The following NAV2 variants were observed in gnomAD, a reference collection of about 807,000 sequenced individuals.
The protein encoded by NAV2 is helicase, APC down-regulated 1.
A neutral mutation model predicts 223.2 loss-of-function variants in NAV2; 54 were observed. That is an observed-to-expected ratio of 0.24 (90% CI 0.19 to 0.30). The LOEUF is 0.30. NAV2 is among the 10% of genes least tolerant of loss of function. The probability of loss-of-function intolerance (pLI) is 1.00; values close to 1 mark genes in which losing one functional copy is unlikely to be tolerated. For missense variants in NAV2, 2,806 were observed against 3,147.5 expected, an observed-to-expected ratio of 0.89 and a Z score of 2.60; for synonymous variants, 1,279 against 1,239.3, an observed-to-expected ratio of 1.03 and a Z score of -0.67.
At position 20,100,918 on chromosome 11, in the gene NAV2, C is replaced by T; in HGVS notation, c.6182-19C>T. 6.2e-7 allele frequency: 1 copy of T among 1,607,550 alleles called. No individual in the cohort carries two copies. Among genetic ancestry groups the T allele is most frequent in the East Asian group, 2.2e-5 (1 of 44,828 alleles). On this transcript the variant is annotated intron_variant, in intron 31 of 37. Coordinates refer to ENST00000349880, the MANE Select transcript of NAV2 (RefSeq NM_145117.5). ...TTTTCTACAGGGCTTCAGATGATTC[C>T]TGTCTCTCTCAAATGCAGGGCTCGC...
intron 1 of NAV2, among the ~76,000 whole-genome samples, chr11:19,477,880 G>A (rs1211080590): frequency 1.3e-5 from 2 of 152,118 alleles, no homozygotes; most frequent in African/African-American, 4.8e-5. Context: ...GTTTGAGCAG[G>A]AATTAAATTC....
Position 20,083,192 on chromosome 11 carries a change from G to C in NAV2, c.5498+13G>C. 6.2e-7 allele frequency: 1 copy of C among 1,605,726 alleles called. No individual in the cohort carries two copies. Among genetic ancestry groups the C allele is most frequent in the South Asian group, 1.1e-5 (1 of 89,488 alleles). On this transcript the variant is annotated intron_variant, in intron 26 of 37. Coordinates refer to ENST00000349880, the MANE Select transcript of NAV2 (RefSeq NM_145117.5). ...ACTCCAACTCTCTGTAAGTCTGTCT[G>C]TCTAGTCAGATAACATCTTTGGCCC...
chr11:19,774,438 AAGTGCTAGGATTACAG>A (rs1399518672), intron 1 of NAV2, among the ~76,000 whole-genome samples: 1 of 152,202 alleles, frequency 6.6e-6, no homozygotes, highest in Non-Finnish European at 1.5e-5. Flanking sequence ...TGGCCTCCCA[AAGTGCTAGGATTACAG>A]GTGTGAGCTA....
intron 1 of NAV2, among the ~76,000 whole-genome samples, chr11:19,822,459 A>G (rs1485932422): frequency 1.3e-5 from 2 of 152,178 alleles, no homozygotes; most frequent in African/African-American, 4.8e-5. Context: ...ATGCAGCTCT[A>G]AGCTACTTAA....
intron 1 of NAV2, among the ~76,000 whole-genome samples, chr11:19,653,542 T>G (rs1476493950): frequency 1.3e-5 from 2 of 152,172 alleles, no homozygotes; most frequent in Non-Finnish European, 2.9e-5. Context: ...CAAAGACGTG[T>G]AGACAGGCAG....
At chr11:19,431,093 G>C (rs1251142362) in intron 1 of NAV2, among the ~76,000 whole-genome samples, 4 of 152,150 alleles carry the variant, frequency 2.6e-5, no homozygotes, top group African/African-American at 9.7e-5. Flanking sequence ...CAGGTGGAGG[G>C]GCATCTCATC....
intron 22 of NAV2, among the ~76,000 whole-genome samples, chr11:20,076,496 T>C (rs141361428): frequency 7.0e-4 from 106 of 152,334 alleles, no homozygotes; most frequent in African/African-American, 2.4e-3. Context: ...GATTGGAGAT[T>C]AGAAGATCCT....
At chr11:19,751,139 C>T (rs1369215130) in intron 1 of NAV2, among the ~76,000 whole-genome samples, 2 of 152,218 alleles carry the variant, frequency 1.3e-5, no homozygotes, top group Admixed American at 6.5e-5. Flanking sequence ...TTCTTTATCC[C>T]CTTTCCTCCC....
At chr11:19,939,387 C>T (rs117270874) in intron 7 of NAV2, among the ~76,000 whole-genome samples, 121 of 152,294 alleles carry the variant, frequency 7.9e-4, no homozygotes, top group Non-Finnish European at 1.2e-3. Flanking sequence ...AGCATCCTGA[C>T]GGAGGTTCAG....
Position 19,933,181 on chromosome 11 carries a change from T to C in NAV2, c.937T>C (p.Leu313=). ...PPPSSHEKEP[L]ASSASSHPGM... ...CCTCTCTTCTGTCTCTGCAGAGCCT[T>C]TGGCAAGTTCAGCCTCCTCCCACCC... Residue 313 remains leucine (L), a synonymous_variant, in exon 7 of 38, where the codon TTG becomes CTG. Coordinates refer to ENST00000349880, the MANE Select transcript of NAV2 (RefSeq NM_145117.5). The surrounding 1 kb of genome is among the most constrained non-coding windows in gnomAD (Gnocchi z 4.3). The C allele has an allele frequency of 6.5e-7, 1 of 1,529,222 alleles. No homozygotes were observed. The highest frequency in any genetic ancestry group is 8.8e-7 in the Non-Finnish European group (1 of 1,136,460). 94.7% of individuals were successfully genotyped at this position (1,529,222 alleles called of 1,614,324 possible).
intron 1 of NAV2, among the ~76,000 whole-genome samples, chr11:19,355,624 G>A (rs1449595267): frequency 6.6e-6 from 1 of 152,112 alleles, no homozygotes; most frequent in Non-Finnish European, 1.5e-5. Context: ...GGAATTTCTA[G>A]TCTCACTGCT....
At chr11:19,421,092 T>C (rs1046476727) in intron 1 of NAV2, among the ~76,000 whole-genome samples, 1 of 152,210 alleles carries the variant, frequency 6.6e-6, no homozygotes, top group Non-Finnish European at 1.5e-5. Context: ...GCTTTGATGC[T>C]GTGGCTGCTG....
intron 1 of NAV2, among the ~76,000 whole-genome samples, chr11:19,695,570 A>G (rs139432474): frequency 1.3e-5 from 2 of 152,104 alleles, no homozygotes; most frequent in Non-Finnish European, 2.9e-5. Context: ...TGTCATAAAG[A>G]GTTTTGTCCC....
At chr11:19,994,860 A>G (rs546339307) in intron 11 of NAV2, among the ~76,000 whole-genome samples, 3 of 152,346 alleles carry the variant, frequency 2.0e-5, no homozygotes, top group Admixed American at 6.5e-5. Flanking sequence ...GGGTTTGTTC[A>G]GAATCATCAA....
chr11:19,919,365 C>A (rs1206055356), intron 6 of NAV2, among the ~76,000 whole-genome samples: 1 of 151,534 alleles, frequency 6.6e-6, no homozygotes, highest in Non-Finnish European at 1.5e-5. Flanking sequence ...GCTCTTTGAG[C>A]CTTAAGGAAA....
intron 1 of NAV2, among the ~76,000 whole-genome samples, chr11:19,414,269 C>T (rs896756500): frequency 1.3e-5 from 2 of 151,962 alleles, no homozygotes; most frequent in Non-Finnish European, 2.9e-5. Context: ...AACAACCAAC[C>T]AAACAAACAA....
At chr11:19,876,806 G>T (rs543791163) in intron 4 of NAV2, among the ~76,000 whole-genome samples, 2 of 148,914 alleles carry the variant, frequency 1.3e-5, no homozygotes, top group East Asian at 3.9e-4. Flanking sequence ...TTCTTGCATG[G>T]TTAAAAAAAA....
intron 11 of NAV2, among the ~76,000 whole-genome samples, chr11:20,023,599 G>A (rs2054722646): frequency 6.6e-6 from 1 of 152,056 alleles, no homozygotes; most frequent in African/African-American, 2.4e-5. Context: ...GCTGCTTGTG[G>A]TTCAGAGGGC....
chr11:19,953,656 G>A (rs1029747690), intron 10 of NAV2, among the ~76,000 whole-genome samples: 10 of 152,208 alleles, frequency 6.6e-5, no homozygotes, highest in African/African-American at 1.4e-4. Flanking sequence ...ATATATAAGC[G>A]TTTCACTTTG....
Sources: allele counts gnomAD v4.1 joint callset (sites outside exome capture counted in the v4.1 genomes callset), GRCh38; gene constraint gnomAD v4.1.1; non-coding constraint Gnocchi (gnomAD v3.1); transcripts MANE v1.5; gene names NCBI Gene and HGNC (gene_info 2026-07-23, HGNC 2026-07-21).